The following ADGRB3 variants were observed in gnomAD, a reference collection of about 807,000 sequenced individuals.
ADGRB3 encodes the protein adhesion G protein-coupled receptor B3, also known as brain-specific angiogenesis inhibitor 3.
ADGRB3 carries 37 observed loss-of-function variants against 193.4 expected under a neutral mutation model. The observed-to-expected ratio is 0.19, with a 90% CI of 0.15 to 0.25. ADGRB3 has a LOEUF of 0.25. ADGRB3 is among the 10% of genes least tolerant of loss of function. The pLI is 1.00. For synonymous variants in ADGRB3, 690 were observed against 644.2 expected, an observed-to-expected ratio of 1.07 and a Z score of -1.08; for missense variants, 1,637 against 1,852.9, an observed-to-expected ratio of 0.88 and a Z score of 2.14.
chr6:68,755,944 T>C (rs1371986140), intron 3 of ADGRB3, among the ~76,000 whole-genome samples: 1 of 152,194 alleles, frequency 6.6e-6, no homozygotes, highest in Non-Finnish European at 1.5e-5. Context: ...TACTTTTTTT[T>C]CCAAAATAAG....
chr6:69,032,664 C>T (rs968023641), intron 13 of ADGRB3, among the ~76,000 whole-genome samples: 3 of 152,066 alleles, frequency 2.0e-5, no homozygotes, highest in Admixed American at 6.6e-5. Context: ...TATTCCTTTC[C>T]TCCTTTGCTT....
intron 3 of ADGRB3, among the ~76,000 whole-genome samples, chr6:68,645,734 G>A (rs779045313): frequency 4.6e-5 from 7 of 152,078 alleles, no homozygotes; most frequent in Non-Finnish European, 7.4e-5. Context: ...GTGCCATGGC[G>A]TGATCTAGGC....
At chr6:69,298,222 A>G (rs1235933702) in intron 20 of ADGRB3, among the ~76,000 whole-genome samples, 2 of 152,006 alleles carry the variant, frequency 1.3e-5, no homozygotes, top group Non-Finnish European at 2.9e-5. Context: ...CCAATGGAAC[A>G]TTGCTGGTCA....
At chr6:68,757,407 A>G (rs1766316994) in intron 3 of ADGRB3, among the ~76,000 whole-genome samples, 1 of 152,168 alleles carries the variant, frequency 6.6e-6, no homozygotes, top group Non-Finnish European at 1.5e-5. Flanking sequence ...CTGTGAAGTC[A>G]GTGTCTAAAT....
At chr6:68,858,991 C>T (rs1582260847) in intron 3 of ADGRB3, among the ~76,000 whole-genome samples, 1 of 152,206 alleles carries the variant, frequency 6.6e-6, no homozygotes, top group South Asian at 2.1e-4. Context: ...AATTTCTCCC[C>T]AGAAAATGGG....
Position 69,009,438 on chromosome 6 carries a change from A to G in ADGRB3, c.1930-4600A>G, listed in dbSNP as rs576574490. On this transcript the variant is annotated intron_variant, in intron 11 of 31. Transcript: ENST00000370598. ...GTCCAAGAAAGCAAACAGCATGTAA[A>G]CAGTTCTACAGGCAGGGCAGAAAAG... 3.3e-5 allele frequency among the ~76,000 whole-genome samples: 5 copies of G among 152,150 alleles called. No homozygotes were observed. The East Asian group carries it at 7.7e-4, about 23-fold the overall frequency.
At chr6:68,947,306 A>G (rs1028731428) in intron 6 of ADGRB3, among the ~76,000 whole-genome samples, 5 of 152,134 alleles carry the variant, frequency 3.3e-5, no homozygotes, top group African/African-American at 9.6e-5. Context: ...GGTGGTCCAA[A>G]CTATGTTTTC....
intron 20 of ADGRB3, among the ~76,000 whole-genome samples, chr6:69,307,514 A>T (rs900194159): frequency 6.6e-6 from 1 of 151,624 alleles, no homozygotes; most frequent in African/African-American, 2.4e-5. Context: ...CATTATAAGC[A>T]TAGCTCCTAT....
intron 3 of ADGRB3, among the ~76,000 whole-genome samples, chr6:68,894,219 A>T (rs1462312088): frequency 6.6e-6 from 1 of 151,952 alleles, no homozygotes; most frequent in Non-Finnish European, 1.5e-5. Context: ...ACAATAATAC[A>T]TCCCCATGTA....
chr6:69,247,276 C>T (rs1371307436), intron 20 of ADGRB3, among the ~76,000 whole-genome samples: 1 of 152,166 alleles, frequency 6.6e-6, no homozygotes, highest in Non-Finnish European at 1.5e-5. Flanking sequence ...CCTGAAGTAC[C>T]TAAGTTGACT....
At chr6:68,771,009 C>T (rs933698657) in intron 3 of ADGRB3, among the ~76,000 whole-genome samples, 2 of 152,062 alleles carry the variant, frequency 1.3e-5, no homozygotes, top group Admixed American at 6.6e-5. Context: ...GTGACTGGCA[C>T]ATGGCTGGCT....
intron 17 of ADGRB3, among the ~76,000 whole-genome samples, chr6:69,177,193 G>T (rs1237768622): frequency 6.6e-6 from 1 of 151,816 alleles, no homozygotes; most frequent in African/African-American, 2.4e-5. Context: ...TGTTTTTCTA[G>T]TTCTTCTGGC....
Position 68,689,071 on chromosome 6 carries a change from C to T in ADGRB3, c.757+49639C>T, listed in dbSNP as rs114240911. ...CTCTGACCATACGTCTGTAAATAGC[C>T]GTTTAAGGATAAGGACCTTTTACAG... On this transcript the variant is annotated intron_variant, in intron 3 of 31. Transcript: ENST00000370598. 1.7e-3 allele frequency among the ~76,000 whole-genome samples: 253 copies of T among 152,030 alleles called. 1 individual carries two copies. Among genetic ancestry groups the T allele is most frequent in the African/African-American group, 5.9e-3 (244 of 41,468 alleles).
chr6:68,800,684 C>T (rs1767294537), intron 3 of ADGRB3, among the ~76,000 whole-genome samples: 1 of 152,140 alleles, frequency 6.6e-6, no homozygotes, highest in South Asian at 2.1e-4. Context: ...TGCCTAAGGT[C>T]GTGTAGGCTA....
At chr6:68,857,178 T>C (rs1765012407) in intron 3 of ADGRB3, among the ~76,000 whole-genome samples, 2 of 152,188 alleles carry the variant, frequency 1.3e-5, no homozygotes, top group Admixed American at 1.3e-4. Context: ...GCTAGGGCAG[T>C]GTGGAAGGGA....
intron 3 of ADGRB3, among the ~76,000 whole-genome samples, chr6:68,876,495 T>C (rs1227078900): frequency 6.6e-6 from 1 of 152,208 alleles, no homozygotes; most frequent in Non-Finnish European, 1.5e-5. Flanking sequence ...AAGATTTTGC[T>C]AAATATATAG....
At chr6:69,259,662 C>G (rs1483598117) in intron 20 of ADGRB3, among the ~76,000 whole-genome samples, 1 of 142,446 alleles carries the variant, frequency 7.0e-6, no homozygotes, top group East Asian at 2.1e-4. Context: ...CGCCACTGCA[C>G]TCCAGCCTGG....
intron 17 of ADGRB3, among the ~76,000 whole-genome samples, chr6:69,123,867 A>T (rs923936411): frequency 6.6e-6 from 1 of 152,236 alleles, no homozygotes; most frequent in Non-Finnish European, 1.5e-5. Flanking sequence ...AAAAACATAC[A>T]GAGCATTATG....
intron 3 of ADGRB3, among the ~76,000 whole-genome samples, chr6:68,913,144 A>G (rs184572093): frequency 5.5e-4 from 84 of 152,338 alleles, no homozygotes; most frequent in African/African-American, 1.8e-3. Context: ...AGACAGCAGT[A>G]ACCTCAGCAG....
Sources: gnomAD v4.1 joint callset for allele counts (sites outside exome capture counted in the v4.1 genomes callset) on GRCh38, gnomAD v4.1.1 for gene constraint, MANE v1.5 for transcripts, NCBI Gene and HGNC (gene_info 2026-07-23, HGNC 2026-07-21) for gene names.